GTF3C3: variants seen among roughly 807,000 people sequenced by gnomAD.
The protein encoded by GTF3C3 is general transcription factor IIIC subunit 3, also known as general transcription factor 3C polypeptide 3.
GTF3C3 carries 75 observed loss-of-function variants against 105.2 expected under a neutral mutation model. The ratio of observed to expected loss-of-function variants is 0.71; its 90% confidence interval spans 0.59 to 0.86. GTF3C3 has a LOEUF of 0.86. Ranked by LOEUF, GTF3C3 falls within the 40% of genes least tolerant of loss-of-function variation. The pLI is 0.00. For missense variants in GTF3C3, 856 were observed against 1,076.5 expected (o/e 0.80, Z 2.87); for synonymous variants, 335 against 370.4 (o/e 0.90, Z 1.10).
At chr2:196,779,089 C>T in intron 9 of GTF3C3, 22 bp from the exon 10 acceptor site, 4 of 1,595,670 alleles carry the variant, frequency 2.5e-6, no homozygotes, top group Non-Finnish European at 3.4e-6. Context: ...ATAAAAGCCC[C>T]AAGTTAAACA....
At position 196,766,576 on chromosome 2, in the gene GTF3C3, G is replaced by T. The variant is rs749422263; in HGVS notation, c.2527C>A (p.Leu843Ile). The change falls in exon 17 of 18, where the codon CTT becomes ATT. Residue 843 changes from leucine (L) to isoleucine (I), a missense_variant. By Grantham distance (5) the Leu-to-Ile change is conservative (BLOSUM62 2). Around this residue, in one of 3 missense-constraint regions of GTF3C3, gnomAD observed 134 missense variants for 128.9 expected, o/e 1.04. Coordinates refer to ENST00000263956, the MANE Select transcript of GTF3C3 (RefSeq NM_012086.5). ...AAAATGCACAATACCTCTACCACAA[G>T]TGGAGGGAGCTCCAGGGCCTTCTGA... ...YYQKALELPP[L>I]VVEGIELDQL... 1 of 1,610,096 alleles carries T rather than the reference G, an allele frequency of 6.2e-7. No individual in the cohort carries two copies. The highest frequency in any genetic ancestry group is 1.1e-5 in the South Asian group (1 of 90,568).
Position 196,799,593 on chromosome 2 carries a change from C to A in GTF3C3, c.19G>T (p.Glu7Ter). Reference protein sequence around the residue: MSGFSPELIDYLEGKIS... With the variant: MSGFSP The stretch of plus-strand genomic sequence containing the variant: ...TTCCCTTCCAAGTAGTCGATGAGTT[C>A]CGGACTGAACCCTGACATGTTTACA... The change falls in exon 1 of 18, where the codon GAA becomes TAA. Residue 7 changes from glutamate to a stop codon, truncating the protein, a stop_gained. Transcript: ENST00000263956. LOFTEE classifies it high-confidence loss of function. 1 of 1,613,492 alleles carries A rather than the reference C, an allele frequency of 6.2e-7. No individual in the cohort carries two copies. The highest frequency in any genetic ancestry group is 1.1e-5 in the South Asian group (1 of 91,080).
Position 196,769,923 on chromosome 2 carries a change from T to TA in GTF3C3, c.2376dup (p.Ile793TyrfsTer9), listed in dbSNP as rs1367131233. Reference sequence around the variant, plus strand: ...AAATTTGAATGAATTACCTGTACAATAAGAGCATGTCTCCGTAACACATAC... The same window carrying TA: ...AAATTTGAATGAATTACCTGTACAATAAAGAGCATGTCTCCGTAACACATAC... On this transcript the variant is annotated frameshift_variant, in exon 16 of 18. Transcript: ENST00000263956. LOFTEE classifies it high-confidence loss of function. 1 of 1,607,338 alleles carries TA rather than the reference T, an allele frequency of 6.2e-7. No individual in the cohort carries two copies. The highest frequency in any genetic ancestry group is 2.2e-5 in the East Asian group (1 of 44,706).
chr2:196,774,375 G>C (rs942169434), intron 13 of GTF3C3, among the ~76,000 whole-genome samples: 2 of 152,168 alleles, frequency 1.3e-5, no homozygotes, highest in African/African-American at 4.8e-5. Flanking sequence ...ACTATGAAGA[G>C]AACAGAGCAA....
At chr2:196,797,316 G>T (rs1367353952) in intron 2 of GTF3C3, among the ~76,000 whole-genome samples, 1 of 152,204 alleles carries the variant, frequency 6.6e-6, no homozygotes. Context: ...CTGAGGACTG[G>T]ATGCTAGAAT....
chr2:196,786,961 A>G lies in GTF3C3; in HGVS notation c.894-1373T>C, dbSNP rs943811113. Among the ~76,000 whole-genome samples the G allele has an allele frequency of 6.6e-6, 1 of 152,120 alleles. No homozygotes were observed. The highest frequency in any genetic ancestry group is 1.5e-5 in the Non-Finnish European group (1 of 68,024). ...GAAGTTCTTTCTTCAATTAAATTCT[A>G]GAACATCATGCTGTTCTCAGTTTCC... On this transcript the variant is annotated intron_variant, in intron 6 of 17. Coordinates refer to ENST00000263956, the MANE Select transcript of GTF3C3 (RefSeq NM_012086.5). The surrounding 1 kb of genome is among the most constrained non-coding windows in gnomAD (Gnocchi z 4.2).
chr2:196,766,864 G>A (rs1261047569), intron 16 of GTF3C3, 147 bp from the exon 17 acceptor site: 1 of 484,756 alleles, frequency 2.1e-6, no homozygotes, highest in Non-Finnish European at 3.6e-6. Context: ...GTATTACAGT[G>A]TAGTTAGGTG....
chr2:196,772,762 C>G (rs1699197180), intron 14 of GTF3C3, among the ~76,000 whole-genome samples, 154 bp downstream of exon 14: 1 of 152,134 alleles, frequency 6.6e-6, no homozygotes, highest in African/African-American at 2.4e-5. Flanking sequence ...AAGTCTGGTC[C>G]TAGAGTGCAT....
intron 15 of GTF3C3, among the ~76,000 whole-genome samples, 198 bp downstream of exon 15, chr2:196,771,550 A>T (rs1487873192): frequency 2.6e-5 from 4 of 152,156 alleles, no homozygotes; most frequent in African/African-American, 9.7e-5. Context: ...CTTTATATTG[A>T]TTCATTTAAT....
chr2:196,799,213 C>G, intron 1 of GTF3C3: 1 of 297,286 alleles, frequency 3.4e-6, no homozygotes, highest in South Asian at 4.6e-5. Context: ...ACTCCAAACT[C>G]TTCTCCCCAC....
rs752644589 is a variant in GTF3C3 at position 196,769,974 on chromosome 2, T to C, written c.2326A>G (p.Thr776Ala). Residue 776 changes from threonine to alanine, a missense_variant, in exon 16 of 18, where the codon ACC (threonine) becomes GCC (alanine). Transcript: ENST00000263956. The stretch of plus-strand genomic sequence containing the variant: ...TTCTGAGATGCCATATGAATAAAGG[T>C]TAGGCCTATACAGAAGCTATAGAGA... ...EPLYSFCIGL[T>A]FIHMASQKYV... 6.2e-7 allele frequency: 1 copy of C among 1,602,378 alleles called. No homozygotes were observed. Among genetic ancestry groups the C allele is most frequent in the Non-Finnish European group, 8.5e-7 (1 of 1,174,934 alleles).
intron 8 of GTF3C3, among the ~76,000 whole-genome samples, chr2:196,783,449 T>C (rs1234003797): frequency 6.6e-6 from 1 of 152,162 alleles, no homozygotes; most frequent in Non-Finnish European, 1.5e-5. Flanking sequence ...AGTAAAATAA[T>C]AACTTCATTG....
chr2:196,771,122 T>G (rs1293172124), intron 15 of GTF3C3, among the ~76,000 whole-genome samples: 4 of 152,230 alleles, frequency 2.6e-5, no homozygotes, highest in African/African-American at 9.6e-5. Context: ...CTTTAATTTT[T>G]TTTTAAAAGG....
At chr2:196,771,030 C>CA (rs1699164934) in intron 15 of GTF3C3, among the ~76,000 whole-genome samples, 1 of 152,114 alleles carries the variant, frequency 6.6e-6, no homozygotes, top group South Asian at 2.1e-4. Flanking sequence ...GCAACACCAC[C>CA]TTTTAGGTAG....
At chr2:196,779,413 T>C (rs1390292176) in intron 9 of GTF3C3, among the ~76,000 whole-genome samples, 1 of 152,086 alleles carries the variant, frequency 6.6e-6, no homozygotes, top group Non-Finnish European at 1.5e-5. Flanking sequence ...CTTTTTAACC[T>C]ACATATCAGT....
chr2:196,787,003 A>G (rs939758729), intron 6 of GTF3C3, among the ~76,000 whole-genome samples: 2 of 151,928 alleles, frequency 1.3e-5, no homozygotes, highest in Non-Finnish European at 2.9e-5. Flanking sequence ...TTCACTGGCC[A>G]TTTTCTTTTA....
In GTF3C3 at chr2:196,763,598, T is replaced by C. The variant is rs1699007717; in HGVS notation, c.*965A>G. The C allele has an allele frequency of 1.3e-5, 2 of 152,226 alleles. No homozygotes were observed. The allele number at this position is 152,226 out of a possible 1,614,324, so 9.4% of individuals were successfully genotyped here. On this transcript the variant is annotated 3_prime_UTR_variant, in exon 18 of 18. Coordinates refer to ENST00000263956, the MANE Select transcript of GTF3C3 (RefSeq NM_012086.5). ...AAGAATTTCTAATAAGTCCCAATTT[T>C]ATTTCTTTGATCCTAAGCCTCTACT...
In GTF3C3 at chr2:196,791,462, T is replaced by C. The variant is rs1411227585; in HGVS notation, c.412-2A>G. The C allele has an allele frequency of 2.5e-6, 4 of 1,607,142 alleles. No homozygotes were observed. The highest frequency in any genetic ancestry group is 3.4e-6 in the Non-Finnish European group (4 of 1,176,344). Reference sequence around the variant, plus strand: ...AAGTTTACTCCGAGGCCTTTTCTCCTGTATGGAAGAAAAATGACATTTAGA... The same window carrying C: ...AAGTTTACTCCGAGGCCTTTTCTCCCGTATGGAAGAAAAATGACATTTAGA... On this transcript the variant is annotated splice_acceptor_variant, in intron 3 of 17. Transcript: ENST00000263956. LOFTEE classifies it high-confidence loss of function.
At chr2:196,796,650 T>C (rs1699651230) in intron 2 of GTF3C3, among the ~76,000 whole-genome samples, 2 of 152,198 alleles carry the variant, frequency 1.3e-5, no homozygotes, top group Non-Finnish European at 2.9e-5. Flanking sequence ...TTCTTCCTGA[T>C]GCTCTCCCTC....
Sources: gnomAD v4.1 joint callset for allele counts (sites outside exome capture counted in the v4.1 genomes callset) on GRCh38, gnomAD v4.1.1 for gene constraint, gnomAD v4.1.1 regional missense constraint, Gnocchi (gnomAD v3.1) non-coding constraint, MANE v1.5 for transcripts, NCBI Gene and HGNC (gene_info 2026-07-23, HGNC 2026-07-21) for gene names.